ATP7B: variants seen among roughly 807,000 people sequenced by gnomAD.
ATP7B encodes copper-transporting ATPase 2.
In ATP7B, 113 loss-of-function variants were observed where a neutral mutation model predicts 118.9. That is an observed-to-expected ratio of 0.95 (90% CI 0.82 to 1.11). The LOEUF (loss-of-function observed/expected upper bound fraction) is 1.11. Ranked by LOEUF, ATP7B falls within the 50% of genes most tolerant of loss-of-function variation. ATP7B has a pLI of 0.00. For missense variants in ATP7B, 1,867 were observed against 1,871.4 expected, an observed-to-expected ratio of 1.00 and a Z score of 0.04; for synonymous variants, 777 against 727.4, an observed-to-expected ratio of 1.07 and a Z score of -1.10.
rs7322692 is a variant in ATP7B, at chr13:51,961,409, G to T, written c.1946+428C>A. 5.5e-3 allele frequency among the ~76,000 whole-genome samples: 830 copies of T among 152,118 alleles called. 8 individuals are homozygous for T. Among genetic ancestry groups the T allele is most frequent in the African/African-American group, 0.019 (794 of 41,486 alleles). ...TTCTTTCCACTCAGCCATTATGCCTGCCTTCAAATTCTAGTTCTAGAACCC... is the reference window on the plus strand; with the variant it reads ...TTCTTTCCACTCAGCCATTATGCCTTCCTTCAAATTCTAGTTCTAGAACCC... On this transcript the variant is annotated intron_variant, in intron 6 of 20. Coordinates refer to ENST00000242839, the MANE Select transcript of ATP7B (RefSeq NM_000053.4).
rs1037713645 is a variant in ATP7B at position 51,942,319 on chromosome 13, G to A, written c.3412+67C>T. 5.4e-5 allele frequency: 87 copies of A among 1,604,960 alleles called. No individual in the cohort carries two copies. In the Admixed American group the frequency reaches 9.7e-4, roughly 18 times the overall value. ...ACAGCAGAGGCAATCACTGCTGGGC[G>A]TGGTGCTCTCTGTGGTTTGACCCAC... On this transcript the variant is annotated intron_variant, in intron 15 of 20. Transcript: ENST00000242839.
chr13:51,953,851 TAAA>T (rs561139788), intron 9 of ATP7B, among the ~76,000 whole-genome samples: 9 of 94,372 alleles, frequency 9.5e-5, no homozygotes, highest in South Asian at 3.7e-4. Flanking sequence ...CCATCAATTG[TAAA>T]AAAAAAAAAA....
intron 4 of ATP7B, among the ~76,000 whole-genome samples, chr13:51,967,518 T>G (rs965425316): frequency 1.3e-5 from 2 of 152,220 alleles, no homozygotes; most frequent in Non-Finnish European, 2.9e-5. Context: ...GGGCACCTCT[T>G]GTGGGGCTGA....
intron 8 of ATP7B, chr13:51,957,888 C>A: frequency 2.0e-6 from 1 of 490,998 alleles, no homozygotes. Flanking sequence ...CTTTTAGGTT[C>A]AATCTAATTT....
rs76217435 is a variant in ATP7B at position 51,964,446 on chromosome 13, C to T, written c.1869+426G>A. 2.6e-3 allele frequency among the ~76,000 whole-genome samples: 401 copies of T among 152,248 alleles called. 1 individual carries two copies. Among genetic ancestry groups the T allele is most frequent in the African/African-American group, 9.2e-3 (383 of 41,548 alleles). On this transcript the variant is annotated intron_variant, in intron 5 of 20. Coordinates refer to ENST00000242839, the MANE Select transcript of ATP7B (RefSeq NM_000053.4). The stretch of plus-strand genomic sequence containing the variant: ...TCCAAAGCAGAAGCGGCCAAGCTCT[C>T]CACAACAAGAGTGGCCTGGCATAGT...
In ATP7B at chr13:51,946,583, C is replaced by T. The variant is rs41292784; in HGVS notation, c.2866-105G>A. 141,322 of 1,347,246 alleles carry T rather than the reference C, an allele frequency of 0.1. 8,367 individuals are homozygous for T. The highest frequency in any genetic ancestry group is 0.12 in the Non-Finnish European group (118,115 of 960,430). 83.5% of individuals were successfully genotyped at this position (1,347,246 alleles called of 1,614,324 possible). On this transcript the variant is annotated intron_variant, in intron 12 of 20. Coordinates refer to ENST00000242839, the MANE Select transcript of ATP7B (RefSeq NM_000053.4). ...CAGGGGGGCACTGGACACAACGTGA[C>T]GAACTTGGGTTCCGGAAACAGATGG...
chr13:52,011,532 C>T (rs906996140), upstream of ATP7B: 6 of 686,300 alleles, frequency 8.7e-6, no homozygotes, highest in Non-Finnish European at 1.6e-5. Context: ...CCGCAGCCCT[C>T]TTCACACGGA....
chr13:51,955,885 A>G (rs1958311081), intron 9 of ATP7B, among the ~76,000 whole-genome samples: 1 of 152,048 alleles, frequency 6.6e-6, no homozygotes, highest in Non-Finnish European at 1.5e-5. Context: ...GTTTGGGGGC[A>G]GCGCAGCACA....
At chr13:51,945,413 T>C (rs148993712) in intron 13 of ATP7B, among the ~76,000 whole-genome samples, 29 of 152,280 alleles carry the variant, frequency 1.9e-4, no homozygotes, top group African/African-American at 6.0e-4. Flanking sequence ...GGAGGGGAAG[T>C]TCCACCTCCA....
At chr13:51,969,665 T>G (rs1216545656) in intron 3 of ATP7B, among the ~76,000 whole-genome samples, 1 of 152,108 alleles carries the variant, frequency 6.6e-6, no homozygotes, top group South Asian at 2.1e-4. Flanking sequence ...AGGATAAAAA[T>G]GAGGATTCAA....
chr13:52,011,270 G>A lies in ATP7B; in HGVS notation c.51+17C>T, dbSNP rs1302950218. On this transcript the variant is annotated intron_variant, in intron 1 of 20. Transcript: ENST00000242839. ...GGGAGTGAGCACGCTGCGCGGACGC[G>A]GGGGAACAAAACTCACTTTCCGACT... The A allele has an allele frequency of 5.0e-6, 8 of 1,614,052 alleles. No homozygotes were observed. The Admixed American group carries it at 5.0e-5, about 10-fold the overall frequency.
At chr13:51,957,865 C>T (rs1447349411) in intron 8 of ATP7B, 1 of 518,246 alleles carries the variant, frequency 1.9e-6, no homozygotes, top group African/African-American at 1.9e-5. Flanking sequence ...TCAGTCTTCC[C>T]ACTGACCATT....
intron 4 of ATP7B, among the ~76,000 whole-genome samples, chr13:51,965,626 T>C (rs537722575): frequency 6.6e-6 from 1 of 152,232 alleles, no homozygotes; most frequent in Admixed American, 6.5e-5. Context: ...GGAAGGACAC[T>C]ACCAGAAGGA....
intron 3 of ATP7B, among the ~76,000 whole-genome samples, chr13:51,970,023 T>C (rs192072600): frequency 1.3e-5 from 2 of 152,352 alleles, no homozygotes; most frequent in East Asian, 3.9e-4. Context: ...AAATGCATTC[T>C]GGAGGACAAA....
intron 1 of ATP7B, among the ~76,000 whole-genome samples, chr13:52,008,791 A>C (rs1953894583): frequency 6.6e-6 from 1 of 152,226 alleles, no homozygotes; most frequent in Admixed American, 6.5e-5. Context: ...TTCCAAGAGA[A>C]ATCATTCCCT....
chr13:51,947,385 T>C (rs773148906), intron 12 of ATP7B, among the ~76,000 whole-genome samples: 2 of 152,214 alleles, frequency 1.3e-5, no homozygotes, highest in Non-Finnish European at 2.9e-5. Context: ...AAACAAAATA[T>C]GACCTACTTT....
intron 1 of ATP7B, among the ~76,000 whole-genome samples, chr13:51,993,018 CAT>C (rs1161990851): frequency 7.4e-6 from 1 of 135,104 alleles, no homozygotes; most frequent in Non-Finnish European, 1.6e-5. Context: ...TACAGATTTA[CAT>C]ATATATTGAC....
intron 12 of ATP7B, among the ~76,000 whole-genome samples, chr13:51,948,127 T>C (rs1231965034): frequency 3.3e-5 from 5 of 152,244 alleles, no homozygotes; most frequent in Non-Finnish European, 7.3e-5. Context: ...AACTTGAACA[T>C]TGTTCAATTT....
At chr13:52,006,109 C>G (rs1953756851) in intron 1 of ATP7B, among the ~76,000 whole-genome samples, 1 of 152,208 alleles carries the variant, frequency 6.6e-6, no homozygotes, top group Admixed American at 6.5e-5. Flanking sequence ...CTTCCTTTCC[C>G]ATAAGGGATA....
Sources: gnomAD v4.1 joint callset for allele counts (sites outside exome capture counted in the v4.1 genomes callset) on GRCh38, gnomAD v4.1.1 for gene constraint, MANE v1.5 for transcripts, NCBI Gene and HGNC (gene_info 2026-07-23, HGNC 2026-07-21) for gene names.